The following PPP1CB variants were observed in gnomAD, a reference collection of about 807,000 sequenced individuals.
PPP1CB encodes serine/threonine-protein phosphatase PP1-beta catalytic subunit.
Under a neutral mutation model 43.7 loss-of-function variants are expected in PPP1CB, and 2 were observed. The ratio of observed to expected loss-of-function variants is 0.05; its 90% confidence interval spans 0.02 to 0.14. PPP1CB has a LOEUF of 0.14. PPP1CB is among the 10% of genes least tolerant of loss of function. The pLI is 1.00. For missense variants in PPP1CB, 84 were observed against 398.0 expected (o/e 0.21, Z 6.71); for synonymous variants, 136 against 135.6 (o/e 1.00, Z -0.02).
At chr2:28,788,873 G>C (rs923154472) in intron 6 of PPP1CB, 64 bp downstream of exon 6, 1 of 1,435,022 alleles carries the variant, frequency 7.0e-7, no homozygotes, top group African/African-American at 1.4e-5. Flanking sequence ...GCAGACGGAG[G>C]GGCAGACAGA....
At chr2:28,759,350 T>C (rs191809934) in intron 1 of PPP1CB, among the ~76,000 whole-genome samples, 65 of 152,082 alleles carry the variant, frequency 4.3e-4, no homozygotes, top group African/African-American at 1.5e-3. Context: ...ACCCCATCTC[T>C]ACTAAAAATA....
chr2:28,797,506 G>A (rs143819716), intron 7 of PPP1CB, among the ~76,000 whole-genome samples: 2 of 151,966 alleles, frequency 1.3e-5, no homozygotes, highest in African/African-American at 4.8e-5. Context: ...GAGTTTGTGT[G>A]TGTTTCTATG....
chr2:28,794,658 G>A (rs925851855), intron 7 of PPP1CB, among the ~76,000 whole-genome samples: 5 of 151,954 alleles, frequency 3.3e-5, no homozygotes, highest in East Asian at 1.9e-4. Flanking sequence ...ACCACTGCAC[G>A]CTAGCCTGGG....
chr2:28,784,056 G>T, intron 5 of PPP1CB, 78 bp downstream of exon 5: 1 of 1,127,582 alleles, frequency 8.9e-7, no homozygotes, highest in Non-Finnish European at 1.3e-6. Flanking sequence ...GTGGAAGTAG[G>T]ATTGGCTTAT....
intron 1 of PPP1CB, among the ~76,000 whole-genome samples, chr2:28,757,299 T>C (rs1405907985): frequency 3.3e-5 from 5 of 152,258 alleles, no homozygotes; most frequent in Non-Finnish European, 5.9e-5. Flanking sequence ...TTTTGTTTTC[T>C]TTCGGCTATT....
chr2:28,768,636 G>T (rs902630093), intron 1 of PPP1CB, among the ~76,000 whole-genome samples: 1 of 152,126 alleles, frequency 6.6e-6, no homozygotes, highest in Admixed American at 6.5e-5. Context: ...AAACAGACCA[G>T]CCCTCAGGAA....
intron 7 of PPP1CB, among the ~76,000 whole-genome samples, chr2:28,794,855 A>G (rs1484406986): frequency 1.3e-5 from 2 of 151,900 alleles, no homozygotes; most frequent in Admixed American, 6.6e-5. Context: ...ATTTTTATTA[A>G]TTTATGTACG....
Position 28,765,069 on chromosome 2 carries a change from A to G in PPP1CB, c.53-11782A>G, listed in dbSNP as rs553270471. The stretch of plus-strand genomic sequence containing the variant: ...GTGAAAAGTAAAATTTAGTATACAC[A>G]CAACACACAGACACATATATATCAC... On this transcript the variant is annotated intron_variant, in intron 1 of 7. Coordinates refer to ENST00000395366, the MANE Select transcript of PPP1CB (RefSeq NM_002709.3). Among the ~76,000 whole-genome samples, 7 of 152,332 alleles carry G rather than the reference A, an allele frequency of 4.6e-5. No individual in the cohort carries two copies. The South Asian group carries it at 1.2e-3, about 27-fold the overall frequency.
intron 1 of PPP1CB, among the ~76,000 whole-genome samples, chr2:28,774,506 A>G (rs551030838): frequency 1.3e-5 from 2 of 151,774 alleles, no homozygotes; most frequent in African/African-American, 4.8e-5. Flanking sequence ...GCTCACTGCA[A>G]CCTCCACCTC....
intron 4 of PPP1CB, chr2:28,782,093 G>T: frequency 2.3e-6 from 1 of 425,630 alleles, no homozygotes; most frequent in Non-Finnish European, 4.2e-6. Flanking sequence ...AGTCTCCTTT[G>T]CCTCAAGTTT....
At chr2:28,760,763 C>T (rs1467134605) in intron 1 of PPP1CB, among the ~76,000 whole-genome samples, 1 of 152,116 alleles carries the variant, frequency 6.6e-6, no homozygotes, top group South Asian at 2.1e-4. Context: ...GTTGTAATCA[C>T]GTATTTTAAA....
intron 5 of PPP1CB, among the ~76,000 whole-genome samples, chr2:28,786,812 A>T (rs1346200794): frequency 6.7e-6 from 1 of 150,222 alleles, no homozygotes; most frequent in East Asian, 2.0e-4. Flanking sequence ...ATAGATTCTT[A>T]ATACCTTAGC....
At chr2:28,752,353 C>T (rs1295007809) in intron 1 of PPP1CB, among the ~76,000 whole-genome samples, 177 bp downstream of exon 1, 1 of 151,918 alleles carries the variant, frequency 6.6e-6, no homozygotes, top group African/African-American at 2.4e-5. Context: ...CGCGGGGGAG[C>T]GGCCTCTGGG....
Position 28,795,403 on chromosome 2 carries a change from T to C in PPP1CB, c.879+1406T>C, listed in dbSNP as rs148699357. Among the ~76,000 whole-genome samples the C allele has an allele frequency of 3.2e-3, 491 of 152,318 alleles. 1 individual carries two copies. The highest frequency in any genetic ancestry group is 0.011 in the African/African-American group (467 of 41,582). On this transcript the variant is annotated intron_variant, in intron 7 of 7. Transcript: ENST00000395366. ...TTCTTTGAGAAATCTACACACTGCT[T>C]TCCACGGTGGCTGAACTAATTTACA...
chr2:28,796,704 G>T (rs559576214), intron 7 of PPP1CB, among the ~76,000 whole-genome samples: 90 of 152,218 alleles, frequency 5.9e-4, no homozygotes, highest in African/African-American at 2.1e-3. Context: ...TCTGTGTATA[G>T]AATCATTATC....
intron 1 of PPP1CB, among the ~76,000 whole-genome samples, chr2:28,762,206 A>G (rs775852159): frequency 7.2e-5 from 11 of 152,176 alleles, no homozygotes; most frequent in Non-Finnish European, 1.5e-4. Flanking sequence ...AATTGCTTGA[A>G]TCTGGGAGGC....
At chr2:28,761,440 C>T (rs1666644678) in intron 1 of PPP1CB, among the ~76,000 whole-genome samples, 1 of 152,162 alleles carries the variant, frequency 6.6e-6, no homozygotes, top group African/African-American at 2.4e-5. Flanking sequence ...ATTTCAGCCC[C>T]AGTTTCTTCT....
chr2:28,772,614 C>T (rs1183732820), intron 1 of PPP1CB, among the ~76,000 whole-genome samples: 2 of 152,058 alleles, frequency 1.3e-5, no homozygotes, highest in Admixed American at 1.3e-4. Context: ...GGAAATAATC[C>T]AAATAGAGTA....
chr2:28,753,220 G>GT (rs1332869304), intron 1 of PPP1CB, among the ~76,000 whole-genome samples: 1 of 152,124 alleles, frequency 6.6e-6, no homozygotes, highest in Non-Finnish European at 1.5e-5. Context: ...AGGCCTCTTT[G>GT]TTAGCCGCCG....
Sources: gnomAD v4.1 joint callset for allele counts (sites outside exome capture counted in the v4.1 genomes callset) on GRCh38, gnomAD v4.1.1 for gene constraint, MANE v1.5 for transcripts, NCBI Gene and HGNC (gene_info 2026-07-23, HGNC 2026-07-21) for gene names.